Variants in MAML1 observed in about 807,000 individuals in gnomAD.
The protein encoded by MAML1 is mastermind-like protein 1.
A neutral mutation model predicts 77.1 loss-of-function variants in MAML1; 14 were observed. That is an observed-to-expected ratio of 0.18 (90% CI 0.12 to 0.28). MAML1 has a LOEUF of 0.28. Among genes scored for constraint, MAML1 ranks in the 10% least tolerant of loss-of-function variants. The pLI is 1.00. For synonymous variants in MAML1, 516 were observed against 551.9 expected, an observed-to-expected ratio of 0.93 and a Z score of 0.91; for missense variants, 1,217 against 1,327.8, an observed-to-expected ratio of 0.92 and a Z score of 1.30.
rs372124056 is a variant in MAML1, at chr5:179,753,651, A to ATTTTTTTT, written c.316-11673_316-11672insTTTTTTTT. ...CTGTTTGGGTTGTTTTATTATTATT[A>ATTTTTTTT]TTATTTTTTTTTTTTTTTTTTTTTT... On this transcript the variant is annotated intron_variant, in intron 1 of 4. Transcript: ENST00000292599. 2.0e-3 allele frequency among the ~76,000 whole-genome samples: 134 copies of ATTTTTTTT among 66,302 alleles called. 4 individuals are homozygous for ATTTTTTTT. The highest frequency in any genetic ancestry group is 2.6e-3 in the South Asian group (5 of 1,890). The allele number at this position is 66,302 out of a possible 152,430, so 43.5% of individuals were successfully genotyped here.
intron 1 of MAML1, among the ~76,000 whole-genome samples, chr5:179,753,197 G>A (rs923280992): frequency 2.2e-5 from 2 of 92,510 alleles, no homozygotes; most frequent in African/African-American, 6.8e-5. Context: ...GTGTGTGTGT[G>A]TGTGTGTGTG....
intron 1 of MAML1, among the ~76,000 whole-genome samples, chr5:179,763,934 C>T (rs1039626462): frequency 6.6e-6 from 1 of 152,042 alleles, no homozygotes; most frequent in Non-Finnish European, 1.5e-5. Flanking sequence ...AGGACAAAAA[C>T]GTAATAAAGT....
intron 1 of MAML1, among the ~76,000 whole-genome samples, chr5:179,763,490 T>C (rs1219613696): frequency 6.6e-6 from 1 of 151,460 alleles, no homozygotes; most frequent in Non-Finnish European, 1.5e-5. Flanking sequence ...TAGTTACCCA[T>C]ATATGGATTT....
At chr5:179,740,000 G>C (rs947790332) in intron 1 of MAML1, among the ~76,000 whole-genome samples, 1 of 152,194 alleles carries the variant, frequency 6.6e-6, no homozygotes. Flanking sequence ...GTTATAATAA[G>C]TGCTAAGCAA....
At chr5:179,739,573 C>A (rs1399002678) in intron 1 of MAML1, among the ~76,000 whole-genome samples, 5 of 152,130 alleles carry the variant, frequency 3.3e-5, no homozygotes, top group African/African-American at 1.2e-4. Context: ...ATTCTCAGCT[C>A]CTCGGGAGAC....
chr5:179,761,964 C>T (rs183081706), intron 1 of MAML1, among the ~76,000 whole-genome samples: 79 of 151,900 alleles, frequency 5.2e-4, no homozygotes, highest in African/African-American at 1.8e-3. Context: ...GTTTGGCTGA[C>T]AGGAAGATGA....
chr5:179,766,449 C>G lies in MAML1; in HGVS notation c.1439C>G (p.Pro480Arg). The change falls in exon 2 of 5, where the codon CCC (proline) becomes CGC (arginine). Residue 480 changes from proline to arginine, a missense_variant. Transcript: ENST00000292599. This position sits in a 1 kb window ranked among gnomAD's most constrained non-coding sequence, Gnocchi z 4.0. ...VNKSSPRPGGPYLQPSHVNLL... is the reference protein window; with the variant it reads ...VNKSSPRPGGRYLQPSHVNLL... ...AAGAGTTCCCCTCGGCCCGGAGGCC[C>G]CTACCTCCAGCCCAGCCATGTGAAC... is the stretch of plus-strand genomic sequence containing the variant. 1 of 1,612,720 alleles carries G rather than the reference C, an allele frequency of 6.2e-7. No individual in the cohort carries two copies. The highest frequency in any genetic ancestry group is 8.5e-7 in the Non-Finnish European group (1 of 1,179,354).
At position 179,754,750 on chromosome 5, in the gene MAML1, G is replaced by A. The variant is rs1392361535; in HGVS notation, c.316-10576G>A. Among the ~76,000 whole-genome samples the A allele has an allele frequency of 2.6e-5, 4 of 152,310 alleles. No individual in the cohort carries two copies. In the East Asian group the frequency reaches 5.8e-4, roughly 22 times the overall value. On this transcript the variant is annotated intron_variant, in intron 1 of 4. Coordinates refer to ENST00000292599, the MANE Select transcript of MAML1 (RefSeq NM_014757.5). ...TCTGACTCAGTGAGTATGGGGTAGT[G>A]CCTGGGAATTTGCATTTCCAATAGA...
intron 1 of MAML1, among the ~76,000 whole-genome samples, chr5:179,734,874 A>G (rs1018799345): frequency 1.3e-5 from 2 of 152,070 alleles, no homozygotes; most frequent in Non-Finnish European, 2.9e-5. Context: ...GTCTCACTAT[A>G]TTGCCTAGGC....
rs141630808 is a variant in MAML1 at position 179,748,583 on chromosome 5, T to C, written c.315+15156T>C. 3.1e-3 allele frequency among the ~76,000 whole-genome samples: 476 copies of C among 152,184 alleles called. 4 individuals carry two copies. Among genetic ancestry groups the C allele is most frequent in the Admixed American group, 4.7e-3 (71 of 15,268 alleles). ...TGTAAGTGGTCCGACATCCGAATAA[T>C]AGGAATTACAGGAAGAGAGAAAACA... On this transcript the variant is annotated intron_variant, in intron 1 of 4. Coordinates refer to ENST00000292599, the MANE Select transcript of MAML1 (RefSeq NM_014757.5).
intron 1 of MAML1, among the ~76,000 whole-genome samples, chr5:179,763,031 A>C (rs1271639333): frequency 6.6e-6 from 1 of 152,168 alleles, no homozygotes; most frequent in Non-Finnish European, 1.5e-5. Flanking sequence ...TCTGTTTCTA[A>C]TCTGAGACAA....
chr5:179,747,569 G>A (rs969146536), intron 1 of MAML1, among the ~76,000 whole-genome samples: 14 of 152,264 alleles, frequency 9.2e-5, no homozygotes, highest in African/African-American at 2.9e-4. Flanking sequence ...CCAGCACTTC[G>A]GGAGGCCGAG....
Position 179,771,034 on chromosome 5 carries a change from C to G in MAML1, c.1972-113C>G, listed in dbSNP as rs1316478289. 2 of 735,186 alleles carry G rather than the reference C, an allele frequency of 2.7e-6. No individual in the cohort carries two copies. Among genetic ancestry groups the G allele is most frequent in the Non-Finnish European group, 4.9e-6 (2 of 408,094 alleles). The allele number at this position is 735,186 out of a possible 1,614,324, so 45.5% of individuals were successfully genotyped here. On this transcript the variant is annotated intron_variant, in intron 3 of 4. Transcript: ENST00000292599. The surrounding 1 kb of genome is among the most constrained non-coding windows in gnomAD (Gnocchi z 4.7). Reference sequence around the variant, plus strand: ...AAATCAGCACTATTTCCACAGGAGCCCATTTGTGAGTAACAAACTTGGATA... The same window carrying G: ...AAATCAGCACTATTTCCACAGGAGCGCATTTGTGAGTAACAAACTTGGATA...
chr5:179,750,055 C>T (rs1779456316), intron 1 of MAML1, among the ~76,000 whole-genome samples: 1 of 152,226 alleles, frequency 6.6e-6, no homozygotes, highest in African/African-American at 2.4e-5. Context: ...CCTCCTGGAG[C>T]CTCCATCCAG....
chr5:179,749,109 G>A (rs1321119524), intron 1 of MAML1, among the ~76,000 whole-genome samples: 1 of 151,998 alleles, frequency 6.6e-6, no homozygotes, highest in African/African-American at 2.4e-5. Flanking sequence ...GGGATTACAG[G>A]CGCCTGCCAC....
chr5:179,761,450 A>T (rs1779724710), intron 1 of MAML1, among the ~76,000 whole-genome samples: 1 of 152,168 alleles, frequency 6.6e-6, no homozygotes, highest in African/African-American at 2.4e-5. Context: ...TAATCCCAGC[A>T]CTTTGGGAGG....
At chr5:179,753,667 T>A (rs1274561984) in intron 1 of MAML1, among the ~76,000 whole-genome samples, 36 of 141,886 alleles carry the variant, frequency 2.5e-4, no homozygotes, top group African/African-American at 6.0e-4. Flanking sequence ...TTTTTTTTTT[T>A]TTTTTTTTTT....
In MAML1 at chr5:179,743,201, C is replaced by T. The variant is rs531707663; in HGVS notation, c.315+9774C>T. Among the ~76,000 whole-genome samples the T allele has an allele frequency of 4.0e-5, 6 of 151,470 alleles. No individual in the cohort carries two copies. In the South Asian group the frequency reaches 6.3e-4, roughly 16 times the overall value. On this transcript the variant is annotated intron_variant, in intron 1 of 4. Coordinates refer to ENST00000292599, the MANE Select transcript of MAML1 (RefSeq NM_014757.5). ...CCGGGTAGCTGGGATTACAGGCAGG[C>T]ACCACCATGCCAGGCTAATTTTGTA...
intron 1 of MAML1, among the ~76,000 whole-genome samples, chr5:179,739,362 T>C (rs1465467332): frequency 6.9e-6 from 1 of 144,316 alleles, no homozygotes; most frequent in Non-Finnish European, 1.6e-5. Flanking sequence ...TCAAATAGAA[T>C]AGAATAGAAC....
Sources: gnomAD v4.1 joint callset for allele counts (sites outside exome capture counted in the v4.1 genomes callset) on GRCh38, gnomAD v4.1.1 for gene constraint, Gnocchi (gnomAD v3.1) non-coding constraint, MANE v1.5 for transcripts, NCBI Gene and HGNC (gene_info 2026-07-23, HGNC 2026-07-21) for gene names.